CDH10: variants seen among roughly 807,000 people sequenced by gnomAD.
CDH10 encodes cadherin-10.
CDH10 carries 30 observed loss-of-function variants against 73.1 expected under a neutral mutation model. That is an observed-to-expected ratio of 0.41 (90% CI 0.31 to 0.56). The LOEUF is 0.56. CDH10 is among the 20% of genes least tolerant of loss of function. The probability of loss-of-function intolerance (pLI) is 0.27; values close to 1 mark genes in which losing one functional copy is unlikely to be tolerated. For synonymous variants in CDH10, 345 were observed against 348.2 expected (o/e 0.99, Z 0.10); for missense variants, 815 against 973.7 (o/e 0.84, Z 2.17).
chr5:24,598,122 A>C (rs964031765), intron 1 of CDH10, among the ~76,000 whole-genome samples: 1 of 152,038 alleles, frequency 6.6e-6, no homozygotes, highest in African/African-American at 2.4e-5. Context: ...AAAATGAGTC[A>C]GTGCATACTA....
At chr5:24,512,651 T>C (rs911807436) in intron 5 of CDH10, among the ~76,000 whole-genome samples, 3 of 152,156 alleles carry the variant, frequency 2.0e-5, no homozygotes, top group East Asian at 3.9e-4. Flanking sequence ...CAAAAATTTA[T>C]GTTTTTGGTG....
chr5:24,578,871 G>T (rs1416772464), intron 2 of CDH10, among the ~76,000 whole-genome samples: 1 of 151,756 alleles, frequency 6.6e-6, no homozygotes, highest in African/African-American at 2.4e-5. Flanking sequence ...CCAACAAAAA[G>T]AGTTAAAGAA....
At chr5:24,563,425 T>G (rs1204460473) in intron 2 of CDH10, among the ~76,000 whole-genome samples, 1 of 144,868 alleles carries the variant, frequency 6.9e-6, no homozygotes, top group Non-Finnish European at 1.5e-5. Context: ...TTTCCCTTCA[T>G]AATTAATACA....
intron 8 of CDH10, among the ~76,000 whole-genome samples, chr5:24,504,768 CCCACCTCGG>C (rs551755115): frequency 5.0e-4 from 76 of 151,946 alleles, no homozygotes; most frequent in African/African-American, 1.8e-3. Flanking sequence ...TCGTGATCCG[CCCACCTCGG>C]CCTCCCAAAG....
At chr5:24,583,186 T>C (rs1172707583) in intron 2 of CDH10, among the ~76,000 whole-genome samples, 2 of 133,352 alleles carry the variant, frequency 1.5e-5, no homozygotes, top group Non-Finnish European at 3.1e-5. Context: ...CAGTGAGTCC[T>C]AGGTTACATT....
At chr5:24,556,829 G>A (rs1036357907) in intron 2 of CDH10, among the ~76,000 whole-genome samples, 1 of 151,624 alleles carries the variant, frequency 6.6e-6, no homozygotes, top group African/African-American at 2.4e-5. Context: ...AGTTAATTGA[G>A]CATAATTTAT....
intron 2 of CDH10, among the ~76,000 whole-genome samples, chr5:24,583,212 A>AG: frequency 6.6e-6 from 1 of 151,730 alleles, no homozygotes; most frequent in Admixed American, 6.6e-5. Flanking sequence ...GTTAAAAAAA[A>AG]AAAAAAGCAG....
intron 2 of CDH10, among the ~76,000 whole-genome samples, chr5:24,539,351 G>T (rs893341309): frequency 6.6e-6 from 1 of 151,822 alleles, no homozygotes; most frequent in Admixed American, 6.6e-5. Context: ...TTTTACTTAT[G>T]AGAACTTATT....
intron 1 of CDH10, among the ~76,000 whole-genome samples, chr5:24,624,116 C>T (rs910853570): frequency 6.6e-6 from 1 of 152,124 alleles, no homozygotes; most frequent in African/African-American, 2.4e-5. Context: ...GAGAAAAAGA[C>T]TCTGTCATCA....
At chr5:24,489,787 A>G (rs547995541) in intron 11 of CDH10, among the ~76,000 whole-genome samples, 1 of 152,218 alleles carries the variant, frequency 6.6e-6, no homozygotes, top group African/African-American at 2.4e-5. Flanking sequence ...GTTTGGGGGG[A>G]AAGTAAACCA....
chr5:24,576,367 T>C (rs1745598521), intron 2 of CDH10, among the ~76,000 whole-genome samples: 1 of 152,156 alleles, frequency 6.6e-6, no homozygotes, highest in Admixed American at 6.5e-5. Context: ...AGCCACGTGC[T>C]TTAGAAGATT....
chr5:24,552,403 A>G (rs1248987585), intron 2 of CDH10, among the ~76,000 whole-genome samples: 2 of 151,918 alleles, frequency 1.3e-5, no homozygotes, highest in African/African-American at 4.8e-5. Flanking sequence ...ATAATAAATA[A>G]GTTTTCATTA....
At chr5:24,593,932 T>A (rs530112104) in intron 1 of CDH10, among the ~76,000 whole-genome samples, 4 of 152,068 alleles carry the variant, frequency 2.6e-5, no homozygotes, top group African/African-American at 9.6e-5. Flanking sequence ...TCATTCTGCA[T>A]GTCAATTTTT....
intron 2 of CDH10, among the ~76,000 whole-genome samples, chr5:24,578,073 G>C (rs1232311586): frequency 2.0e-5 from 3 of 152,138 alleles, no homozygotes; most frequent in Non-Finnish European, 4.4e-5. Flanking sequence ...GTGAGGAGAG[G>C]ACACTTTCCA....
At chr5:24,549,759 C>T (rs1744478751) in intron 2 of CDH10, among the ~76,000 whole-genome samples, 2 of 151,952 alleles carry the variant, frequency 1.3e-5, no homozygotes, top group Non-Finnish European at 2.9e-5. Flanking sequence ...ACCATGTTGG[C>T]CAGGCTGGTC....
At chr5:24,615,271 A>G (rs895287643) in intron 1 of CDH10, among the ~76,000 whole-genome samples, 1 of 152,136 alleles carries the variant, frequency 6.6e-6, no homozygotes, top group African/African-American at 2.4e-5. Context: ...CACTTTTCAC[A>G]TATTTCAAAT....
intron 1 of CDH10, among the ~76,000 whole-genome samples, chr5:24,642,770 T>G (rs75979974): frequency 0.029 from 4,463 of 152,204 alleles, 230 homozygotes; most frequent in African/African-American, 0.1. Flanking sequence ...TTTACCTTCT[T>G]TTTTCCCATT....
intron 2 of CDH10, among the ~76,000 whole-genome samples, chr5:24,544,130 C>T (rs901820902): frequency 2.6e-5 from 4 of 152,032 alleles, no homozygotes; most frequent in African/African-American, 9.7e-5. Flanking sequence ...CCCGTCTCTA[C>T]TAAAAATACA....
At position 24,570,576 on chromosome 5, in the gene CDH10, C is replaced by T. The variant is rs145031054; in HGVS notation, c.231+22684G>A. 2.5e-4 allele frequency among the ~76,000 whole-genome samples: 38 copies of T among 152,064 alleles called. No individual in the cohort carries two copies. The East Asian group carries it at 7.0e-3, about 28-fold the overall frequency. ...CAGATGTTTATACGAAGAGCATTCCCGAATACATATTCTGATAGGCTATAT... is the reference window on the plus strand; with the variant it reads ...CAGATGTTTATACGAAGAGCATTCCTGAATACATATTCTGATAGGCTATAT... On this transcript the variant is annotated intron_variant, in intron 2 of 11. Coordinates refer to ENST00000264463, the MANE Select transcript of CDH10 (RefSeq NM_006727.5).
Sources: gnomAD v4.1 joint callset for allele counts (sites outside exome capture counted in the v4.1 genomes callset) on GRCh38, gnomAD v4.1.1 for gene constraint, MANE v1.5 for transcripts, NCBI Gene and HGNC (gene_info 2026-07-23, HGNC 2026-07-21) for gene names.